PDE4C: variants seen among roughly 807,000 people sequenced by gnomAD.
PDE4C encodes the protein phosphodiesterase 4C.
Under a neutral mutation model 63.9 loss-of-function variants are expected in PDE4C, and 50 were observed. That is an observed-to-expected ratio of 0.78 (90% confidence interval 0.62 to 0.99). PDE4C has a LOEUF of 0.99. PDE4C is among the 50% of genes least tolerant of loss of function. PDE4C has a pLI of 0.00. For missense variants in PDE4C, 777 were observed against 899.1 expected, an observed-to-expected ratio of 0.86 and a Z score of 1.74; for synonymous variants, 377 against 385.1, an observed-to-expected ratio of 0.98 and a Z score of 0.25.
intron 1 of PDE4C, among the ~76,000 whole-genome samples, chr19:18,242,010 G>A (rs1969050206): frequency 6.6e-6 from 1 of 152,216 alleles, no homozygotes; most frequent in African/African-American, 2.4e-5. Flanking sequence ...ATGAGGGAGT[G>A]GATCACATTG....
chr19:18,237,716 C>T (rs1001224289), upstream of PDE4C, among the ~76,000 whole-genome samples: 2 of 150,800 alleles, frequency 1.3e-5, no homozygotes, highest in African/African-American at 4.9e-5. Context: ...ACTAAAAATA[C>T]AAAAAAATTA....
At chr19:18,247,436 G>A (rs1969151573) in intron 1 of PDE4C, among the ~76,000 whole-genome samples, 1 of 152,196 alleles carries the variant, frequency 6.6e-6, no homozygotes, top group Non-Finnish European at 1.5e-5. Flanking sequence ...CTGGACTACA[G>A]GCATGAGCCA....
upstream of PDE4C, among the ~76,000 whole-genome samples, chr19:18,230,304 GAGA>G (rs944617369): frequency 5.3e-5 from 8 of 152,164 alleles, no homozygotes; most frequent in Non-Finnish European, 8.8e-5. Context: ...TCAAGAGTTT[GAGA>G]CCAGTCTGGC....
upstream of PDE4C, chr19:18,226,560 C>A: frequency 4.1e-5 from 17 of 411,994 alleles, no homozygotes; most frequent in Non-Finnish European, 5.3e-5. Flanking sequence ...ACCCCCGGGA[C>A]AAACGGGGAA....
intron 1 of PDE4C, among the ~76,000 whole-genome samples, chr19:18,240,589 C>G (rs1969019880): frequency 6.6e-6 from 1 of 151,948 alleles, no homozygotes; most frequent in African/African-American, 2.4e-5. Context: ...TTAGCTGTGC[C>G]TGGTGGTGCG....
At chr19:18,221,882 T>C (rs1442776510) in intron 2 of PDE4C, among the ~76,000 whole-genome samples, 2 of 152,156 alleles carry the variant, frequency 1.3e-5, no homozygotes, top group African/African-American at 4.8e-5. Flanking sequence ...CACCTCGGCC[T>C]CCCAAAGTGT....
downstream of PDE4C, chr19:18,209,700 C>T (rs201036552): frequency 0.045 from 859 of 19,190 alleles, 72 homozygotes; most frequent in East Asian, 0.096. Flanking sequence ...TTTTTTTTTT[C>T]TTTTCTTTTT....
intron 1 of PDE4C, among the ~76,000 whole-genome samples, chr19:18,238,679 C>G (rs993638336): frequency 2.6e-5 from 4 of 151,708 alleles, no homozygotes; most frequent in Non-Finnish European, 5.9e-5. Context: ...ATTTGAGATT[C>G]CAATATATTA....
At chr19:18,232,826 C>T (rs1600096747) in intron 1 of PDE4C, 1 of 1,152,438 alleles carries the variant, frequency 8.7e-7, no homozygotes, top group Non-Finnish European at 1.2e-6. Context: ...TCCTTCCAGG[C>T]GCCAGCCTCA....
chr19:18,252,927 T>G (rs1969248461), upstream of PDE4C, among the ~76,000 whole-genome samples: 1 of 152,148 alleles, frequency 6.6e-6, no homozygotes, highest in Non-Finnish European at 1.5e-5. Context: ...TATTTTTAAT[T>G]AATTTATTTT....
chr19:18,227,514 T>TG (rs1016639196), upstream of PDE4C, among the ~76,000 whole-genome samples: 13 of 152,016 alleles, frequency 8.6e-5, no homozygotes, highest in South Asian at 2.1e-4. Flanking sequence ...GTCCCAGGAC[T>TG]GGGGGGGGCC....
chr19:18,221,052 G>GCCAGGCCCCCCCCCC, intron 4 of PDE4C, 53 bp downstream of exon 4: 115 of 1,245,270 alleles, frequency 9.2e-5, no homozygotes, highest in Middle Eastern at 2.7e-4. Context: ...CCCGCTTTCC[G>GCCAGGCCCCCCCCCC]CCCACCTTGT....
At position 18,222,136 on chromosome 19, in the gene PDE4C, C is replaced by T. The variant is rs139517384; in HGVS notation, c.334G>A (p.Asp112Asn). ...TCCCACCAGCCCCAGACTCACAGGT[C>T]GCTGGCCACAGAGGAGTTCCGAGAC... Residue 112 changes from aspartate (D) to asparagine (N), a missense_variant, in exon 2 of 15, where the codon GAC becomes AAC. Asp to Asn is a conservative substitution (Grantham distance 23, BLOSUM62 1). Around this residue, in one of 3 missense-constraint regions of PDE4C, gnomAD observed 249 missense variants for 247.8 expected, o/e 1.00. Coordinates refer to ENST00000262805, the Ensembl canonical transcript of PDE4C. 830 of 1,607,290 alleles carry T rather than the reference C, an allele frequency of 5.2e-4. 2 individuals are homozygous for T. Among genetic ancestry groups the T allele is most frequent in the South Asian group, 2.2e-3 (198 of 90,806 alleles).
At chr19:18,243,568 G>C (rs748092108) in intron 1 of PDE4C, among the ~76,000 whole-genome samples, 1 of 152,200 alleles carries the variant, frequency 6.6e-6, no homozygotes, top group Non-Finnish European at 1.5e-5. Context: ...ATGAGTCCCA[G>C]ATGGAGCCAG....
chr19:18,208,513 C>A (rs1967789231), downstream of PDE4C: 1 of 151,704 alleles, frequency 6.6e-6, no homozygotes, highest in Non-Finnish European at 1.5e-5. Flanking sequence ...CCGTGTCTCC[C>A]ACGCCCGCCA....
chr19:18,220,151 T>A lies in PDE4C; in HGVS notation c.706+75A>T. 1 of 1,175,360 alleles carries A rather than the reference T, an allele frequency of 8.5e-7. No homozygotes were observed. The highest frequency in any genetic ancestry group is 1.3e-5 in the South Asian group (1 of 80,000). 72.8% of individuals were successfully genotyped at this position (1,175,360 alleles called of 1,614,324 possible). On this transcript the variant is annotated intron_variant, in intron 7 of 14. Transcript: ENST00000262805. The surrounding 1 kb of genome is among the most constrained non-coding windows in gnomAD (Gnocchi z 5.1). ...TGGCTGTATCTCCCCCAGACTGAGG[T>A]CTATCATAGGAATCTTTCTTTTGTT...
chr19:18,253,550 C>CAA, the PDE4C span, among the ~76,000 whole-genome samples: 32 of 123,766 alleles, frequency 2.6e-4, no homozygotes, highest in South Asian at 1.2e-3. Context: ...GACTCCGTCT[C>CAA]AAAAAAAAAA....
intron 12 of PDE4C, among the ~76,000 whole-genome samples, chr19:18,213,908 C>G (rs888696291): frequency 3.9e-5 from 6 of 152,192 alleles, no homozygotes; most frequent in African/African-American, 7.2e-5. Flanking sequence ...ACGTTGTTCC[C>G]TCTGCCTGGA....
upstream of PDE4C, among the ~76,000 whole-genome samples, chr19:18,235,224 G>A (rs1968930838): frequency 6.6e-6 from 1 of 152,224 alleles, no homozygotes. Context: ...AGGCTGGAGT[G>A]TAATGGTGCG....
Sources: gnomAD v4.1 joint callset for allele counts (sites outside exome capture counted in the v4.1 genomes callset) on GRCh38, gnomAD v4.1.1 for gene constraint, gnomAD v4.1.1 regional missense constraint, Gnocchi (gnomAD v3.1) non-coding constraint, MANE v1.5 for transcripts, NCBI Gene and HGNC (gene_info 2026-07-23, HGNC 2026-07-21) for gene names.